Variants in SLC60A1 observed in about 807,000 individuals in gnomAD.
SLC60A1 encodes solute carrier family 60 member 1.
the SLC60A1 span, chr1:205,591,929 T>G: frequency 5.3e-6 from 3 of 562,912 alleles, no homozygotes; most frequent in Non-Finnish European, 9.3e-6. Context: ...TAGGCGGGGG[T>G]CTCCTTTCCA....
At chr1:205,584,099 C>G in the SLC60A1 span, 1 of 1,613,768 alleles carries the variant, frequency 6.2e-7, no homozygotes, top group African/African-American at 1.3e-5. Flanking sequence ...CTCCTCACTG[C>G]CCCCAAAGTT....
the SLC60A1 span, chr1:205,584,167 G>A: frequency 1.9e-6 from 3 of 1,580,560 alleles, no homozygotes; most frequent in East Asian, 2.2e-5. Flanking sequence ...CTCATGTTGA[G>A]GCTTCCTTGG....
At chr1:205,600,652 T>A in the SLC60A1 span, 34 of 585,498 alleles carry the variant, frequency 5.8e-5, no homozygotes, top group Admixed American at 8.8e-4. Flanking sequence ...GAAGTTTACC[T>A]GGCTTCTCAA....
At chr1:205,580,480 T>C in the SLC60A1 span, among the ~76,000 whole-genome samples, 1 of 152,114 alleles carries the variant, frequency 6.6e-6, no homozygotes, top group African/African-American at 2.4e-5. The surrounding 1 kb of genome is among the most constrained non-coding windows in gnomAD (Gnocchi z 5.0). Flanking sequence ...CCCTCACCTC[T>C]CCTGCTTCCT....
chr1:205,584,522 C>T, the SLC60A1 span, among the ~76,000 whole-genome samples: 8 of 147,788 alleles, frequency 5.4e-5, no homozygotes, highest in South Asian at 2.2e-4. Flanking sequence ...CCATGCCTGG[C>T]CACAGGTGAT....
the SLC60A1 span, among the ~76,000 whole-genome samples, chr1:205,579,343 A>T: frequency 6.6e-6 from 1 of 152,198 alleles, no homozygotes; most frequent in Non-Finnish European, 1.5e-5. Context: ...TTCTGGGCTC[A>T]GGTTCCATCC....
chr1:205,583,003 G>A, the SLC60A1 span, among the ~76,000 whole-genome samples: 6 of 152,202 alleles, frequency 3.9e-5, no homozygotes, highest in African/African-American at 1.4e-4. Context: ...CCAATAGCTG[G>A]GCGCTCTCAC....
chr1:205,580,623 A>ACCCCCCCCCC, the SLC60A1 span: 7 of 1,570,434 alleles, frequency 4.5e-6, no homozygotes, highest in South Asian at 3.4e-5. This position sits in a 1 kb window ranked among gnomAD's most constrained non-coding sequence, Gnocchi z 5.0. Context: ...CTGAAGACTG[A>ACCCCCCCCCC]CCCCCACCCC....
At chr1:205,580,623 ACC>A in the SLC60A1 span, 1 of 1,570,442 alleles carries the variant, frequency 6.4e-7, no homozygotes. This position sits in a 1 kb window ranked among gnomAD's most constrained non-coding sequence, Gnocchi z 5.0. Flanking sequence ...CTGAAGACTG[ACC>A]CCCACCCCCA....
chr1:205,572,086 C>G, the SLC60A1 span, among the ~76,000 whole-genome samples: 1 of 152,132 alleles, frequency 6.6e-6, no homozygotes, highest in Non-Finnish European at 1.5e-5. Flanking sequence ...GGTGGAGAGC[C>G]TTGGCTATTG....
At chr1:205,583,860 T>TC in the SLC60A1 span, 1 of 1,446,578 alleles carries the variant, frequency 6.9e-7, no homozygotes, top group African/African-American at 1.4e-5. Context: ...AGCTGTCTTC[T>TC]CCCAGGACTA....
the SLC60A1 span, among the ~76,000 whole-genome samples, chr1:205,587,286 C>T: frequency 6.6e-6 from 1 of 152,134 alleles, no homozygotes; most frequent in South Asian, 2.1e-4. Flanking sequence ...CCAAGTAGCC[C>T]AATGAGGGTA....
chr1:205,584,909 A>G, the SLC60A1 span: 1 of 1,614,078 alleles, frequency 6.2e-7, no homozygotes, highest in Non-Finnish European at 8.5e-7. Context: ...TGCCAAAGGA[A>G]GAACCTCAGA....
the SLC60A1 span, among the ~76,000 whole-genome samples, chr1:205,582,847 TGTTAG>T: frequency 6.6e-6 from 1 of 152,212 alleles, no homozygotes; most frequent in Non-Finnish European, 1.5e-5. Context: ...CTTTCACTCC[TGTTAG>T]GTGACTTGAG....
the SLC60A1 span, among the ~76,000 whole-genome samples, chr1:205,578,033 TC>T: frequency 1.3e-5 from 2 of 152,226 alleles, no homozygotes; most frequent in South Asian, 4.1e-4. Context: ...TGATCCCAGG[TC>T]CCGTTCCCCT....
At chr1:205,589,718 G>A in the SLC60A1 span, among the ~76,000 whole-genome samples, 2 of 152,106 alleles carry the variant, frequency 1.3e-5, no homozygotes, top group African/African-American at 4.8e-5. Context: ...CTACCAAAGT[G>A]GTAGAACTAG....
At chr1:205,570,438 G>A in the SLC60A1 span, among the ~76,000 whole-genome samples, 3 of 152,250 alleles carry the variant, frequency 2.0e-5, no homozygotes, top group Non-Finnish European at 2.9e-5. Flanking sequence ...GTTCTGGGCT[G>A]TGGTCATGCC....
At chr1:205,594,059 C>T in the SLC60A1 span, among the ~76,000 whole-genome samples, 1 of 152,152 alleles carries the variant, frequency 6.6e-6, no homozygotes, top group African/African-American at 2.4e-5. Flanking sequence ...GCAGAAAATG[C>T]ATCAGCCAGT....
chr1:205,596,531 C>A, the SLC60A1 span, among the ~76,000 whole-genome samples: 1 of 99,200 alleles, frequency 1.0e-5, no homozygotes. Flanking sequence ...GGCGACAGAG[C>A]AAGACTCTGT....
Sources: gnomAD v4.1 joint callset for allele counts (sites outside exome capture counted in the v4.1 genomes callset) on GRCh38, gnomAD v4.1.1 for gene constraint, Gnocchi (gnomAD v3.1) non-coding constraint, MANE v1.5 for transcripts, NCBI Gene and HGNC (gene_info 2026-07-23, HGNC 2026-07-21) for gene names.